MYO5A: variants seen among roughly 807,000 people sequenced by gnomAD.
MYO5A encodes the protein myosin VA.
In MYO5A, 98 loss-of-function variants were observed where a neutral mutation model predicts 249.7. That is an observed-to-expected ratio of 0.39 (90% CI 0.33 to 0.46). The LOEUF (loss-of-function observed/expected upper bound fraction) is 0.46. Ranked by LOEUF, MYO5A falls within the 20% of genes least tolerant of loss-of-function variation. The probability of loss-of-function intolerance (pLI) is 0.98; values close to 1 mark genes in which losing one functional copy is unlikely to be tolerated. For missense variants in MYO5A, 1,696 were observed against 2,308.8 expected (o/e 0.73, Z 5.44); for synonymous variants, 778 against 810.6 (o/e 0.96, Z 0.68).
Position 52,337,864 on chromosome 15 carries a change from T to C in MYO5A, c.4260A>G (p.Ala1420=). The change falls in exon 33 of 42, where the codon GCA becomes GCG. Residue 1420 remains alanine, a synonymous_variant. Transcript: ENST00000399233. The part of the protein sequence containing the change: ...NENLYFEELY[A]DDPKKYQSYR... The stretch of plus-strand genomic sequence containing the variant: ...ATGATTGATACTTCTTAGGGTCATC[T>C]GCATATAATTCCTCAAAATACTGAA... 1.3e-6 allele frequency: 2 copies of C among 1,544,718 alleles called. No homozygotes were observed. Among genetic ancestry groups the C allele is most frequent in the East Asian group, 4.9e-5 (2 of 40,900 alleles).
chr15:52,458,762 AT>A (rs749341202), intron 1 of MYO5A, among the ~76,000 whole-genome samples: 1 of 46,996 alleles, frequency 2.1e-5, no homozygotes, highest in South Asian at 1.8e-3. Flanking sequence ...ATAAATAAAT[AT>A]AAAAACAAAA....
intron 1 of MYO5A, chr15:52,437,887 G>A: frequency 4.2e-6 from 1 of 235,968 alleles, no homozygotes; most frequent in Non-Finnish European, 6.9e-6. Flanking sequence ...TAAGCAGTGG[G>A]AGGATAAGGC....
chr15:52,502,262 A>C (rs1162160390), intron 1 of MYO5A, among the ~76,000 whole-genome samples: 1 of 152,048 alleles, frequency 6.6e-6, no homozygotes, highest in African/African-American at 2.4e-5. Flanking sequence ...CAGCCTATGC[A>C]ACAGAGTGAG....
intron 4 of MYO5A, 92 bp downstream of exon 4, chr15:52,425,738 T>C (rs1285293256): frequency 3.5e-5 from 49 of 1,389,992 alleles, no homozygotes; most frequent in South Asian, 3.5e-5. Context: ...ATTTACAAGG[T>C]TGCCATTCAC....
chr15:52,391,798 A>C (rs955147933), intron 12 of MYO5A, 132 bp downstream of exon 12: 1 of 898,640 alleles, frequency 1.1e-6, no homozygotes, highest in Non-Finnish European at 1.7e-6. Context: ...CTTTGGAATG[A>C]AAGCATAACC....
chr15:52,468,068 G>T (rs1366382390), intron 1 of MYO5A, among the ~76,000 whole-genome samples: 1 of 152,130 alleles, frequency 6.6e-6, no homozygotes, highest in East Asian at 1.9e-4. Context: ...AGAAAAGATG[G>T]ACCAGGTGCA....
intron 1 of MYO5A, among the ~76,000 whole-genome samples, chr15:52,496,320 T>G (rs958146235): frequency 6.6e-6 from 1 of 152,154 alleles, no homozygotes; most frequent in South Asian, 2.1e-4. Context: ...CTAGGCCACA[T>G]GACTGGTAAA....
chr15:52,431,148 T>C (rs1595669493), intron 2 of MYO5A, among the ~76,000 whole-genome samples: 1 of 135,006 alleles, frequency 7.4e-6, no homozygotes. Context: ...ACAAGAATCA[T>C]TTGAACCCGG....
chr15:52,446,197 G>A lies in MYO5A; in HGVS notation c.28-12912C>T, dbSNP rs145042145. 5.8e-4 allele frequency among the ~76,000 whole-genome samples: 89 copies of A among 152,322 alleles called. 1 individual carries two copies. The Middle Eastern group carries it at 0.014, about 23-fold the overall frequency. ...GCCTAGGAGGACATTATGGTGTAGA[G>A]GGCCAGGCCTAGGGCCCCACTACCC... On this transcript the variant is annotated intron_variant, in intron 1 of 41. Coordinates refer to ENST00000399233, the MANE Select transcript of MYO5A (RefSeq NM_001382347.1).
At chr15:52,316,925 T>C in intron 40 of MYO5A, 123 bp downstream of exon 40, 2 of 1,079,318 alleles carry the variant, frequency 1.9e-6, no homozygotes, top group Non-Finnish European at 2.8e-6. Context: ...GAGGCATATA[T>C]CTTCTTGAAC....
At chr15:52,526,525 C>T (rs368248693) in intron 1 of MYO5A, among the ~76,000 whole-genome samples, 3 of 152,222 alleles carry the variant, frequency 2.0e-5, no homozygotes, top group South Asian at 4.1e-4. Flanking sequence ...CCACGCCCAG[C>T]TAATTTTCTA....
intron 1 of MYO5A, among the ~76,000 whole-genome samples, chr15:52,444,478 A>C (rs2075848346): frequency 6.6e-6 from 1 of 152,228 alleles, no homozygotes; most frequent in Admixed American, 6.5e-5. Flanking sequence ...TTCCTTATTC[A>C]ACAAAACACT....
intron 1 of MYO5A, among the ~76,000 whole-genome samples, chr15:52,512,847 G>T (rs1595824649): frequency 1.3e-5 from 2 of 152,120 alleles, no homozygotes; most frequent in East Asian, 3.9e-4. Context: ...AGCAAAAAGG[G>T]CCAGGCACAG....
intron 9 of MYO5A, among the ~76,000 whole-genome samples, chr15:52,405,049 TGTCACA>T (rs768842499): frequency 0.092 from 9,264 of 100,816 alleles, 326 homozygotes; most frequent in East Asian, 0.29. Flanking sequence ...TCTCTCTCTC[TGTCACA>T]CACACACACA....
intron 16 of MYO5A, 74 bp from the exon 17 acceptor site, chr15:52,379,982 G>T: frequency 1.3e-6 from 2 of 1,487,068 alleles, no homozygotes; most frequent in Non-Finnish European, 1.9e-6. Flanking sequence ...CCTCAGTCAG[G>T]GTGTAAATTC....
Position 52,430,904 on chromosome 15 carries a change from G to C in MYO5A, c.138+2271C>G, listed in dbSNP as rs918988370. Reference sequence around the variant, plus strand: ...TGGTGGCATTGGACTGGAGAAAAAAGGATCCCTATTAACTCACGGGTTTTA... The same window carrying C: ...TGGTGGCATTGGACTGGAGAAAAAACGATCCCTATTAACTCACGGGTTTTA... On this transcript the variant is annotated intron_variant, in intron 2 of 41. Transcript: ENST00000399233. 3.9e-5 allele frequency among the ~76,000 whole-genome samples: 6 copies of C among 152,090 alleles called. No individual in the cohort carries two copies. In the East Asian group the frequency reaches 1.2e-3, roughly 29 times the overall value.
intron 9 of MYO5A, among the ~76,000 whole-genome samples, chr15:52,404,506 G>A (rs1409594498): frequency 6.6e-6 from 1 of 152,042 alleles, no homozygotes; most frequent in African/African-American, 2.4e-5. Flanking sequence ...TTTAAATTAA[G>A]GCCTTAATTA....
chr15:52,420,587 C>T (rs1184724084), intron 4 of MYO5A, among the ~76,000 whole-genome samples: 1 of 152,030 alleles, frequency 6.6e-6, no homozygotes, highest in African/African-American at 2.4e-5. Flanking sequence ...TTATAAATTA[C>T]CCAGTCTGGT....
chr15:52,369,843 T>A (rs866910073), intron 22 of MYO5A, among the ~76,000 whole-genome samples: 2 of 150,290 alleles, frequency 1.3e-5, no homozygotes, highest in Admixed American at 6.7e-5. Context: ...ACTTTTTTTT[T>A]AAAAGGAGTC....
Sources: gnomAD v4.1 joint callset for allele counts (sites outside exome capture counted in the v4.1 genomes callset) on GRCh38, gnomAD v4.1.1 for gene constraint, MANE v1.5 for transcripts, NCBI Gene and HGNC (gene_info 2026-07-23, HGNC 2026-07-21) for gene names.